ZNRF3: variants seen among roughly 807,000 people sequenced by gnomAD.
The protein encoded by ZNRF3 is zinc and ring finger 3, also known as E3 ubiquitin-protein ligase ZNRF3.
In ZNRF3, 23 loss-of-function variants were observed where a neutral mutation model predicts 72.5. The observed-to-expected ratio is 0.32, with a 90% CI of 0.23 to 0.45. The LOEUF is 0.45. ZNRF3 is among the 20% of genes least tolerant of loss of function. The probability of loss-of-function intolerance (pLI) is 1.00; values close to 1 mark genes in which losing one functional copy is unlikely to be tolerated. For missense variants in ZNRF3, 1,169 were observed against 1,272.1 expected (o/e 0.92, Z 1.23); for synonymous variants, 610 against 545.3 (o/e 1.12, Z -1.65).
At chr22:29,012,535 G>A (rs1228424783) in intron 2 of ZNRF3, among the ~76,000 whole-genome samples, 1 of 152,184 alleles carries the variant, frequency 6.6e-6, no homozygotes, top group Non-Finnish European at 1.5e-5. Context: ...TGGGACCAAA[G>A]TATCAAGCTG....
intron 2 of ZNRF3, among the ~76,000 whole-genome samples, chr22:29,005,118 G>A (rs1310195242): frequency 6.6e-6 from 1 of 152,204 alleles, no homozygotes; most frequent in Non-Finnish European, 1.5e-5. Flanking sequence ...TGGTCACTGG[G>A]AAGCTCTTAG....
chr22:28,885,345 A>G (rs888658966), intron 1 of ZNRF3, among the ~76,000 whole-genome samples: 7 of 152,150 alleles, frequency 4.6e-5, no homozygotes, highest in African/African-American at 1.7e-4. Flanking sequence ...CCGGGCTCTT[A>G]TCCCCATCCG....
At position 29,049,906 on chromosome 22, in the gene ZNRF3, C is replaced by A; in HGVS notation, c.1725C>A (p.Ser575Arg). The change falls in exon 8 of 9, where the codon AGC (serine) becomes AGA (arginine). Residue 575 changes from serine (S) to arginine (R), a missense_variant. Physicochemically the swap from Ser to Arg is moderately radical, Grantham distance 110. Around this residue, in one of 2 missense-constraint regions of ZNRF3, gnomAD observed 783 missense variants for 731.4 expected, o/e 1.07. Coordinates refer to ENST00000544604, the MANE Select transcript of ZNRF3 (RefSeq NM_001206998.2). This position sits in a 1 kb window ranked among gnomAD's most constrained non-coding sequence, Gnocchi z 5.2. Reference protein sequence around the residue: ...SDSVVDCTEVSNQGVYGSCST... With the variant: ...SDSVVDCTEVRNQGVYGSCST... ...CTGTGGTAGACTGCACTGAGGTCAG[C>A]AACCAGGGCGTGTACGGGAGCTGCT... The A allele has an allele frequency of 6.2e-7, 1 of 1,603,022 alleles. No homozygotes were observed. Among genetic ancestry groups the A allele is most frequent in the South Asian group, 1.1e-5 (1 of 89,616 alleles).
intron 1 of ZNRF3, among the ~76,000 whole-genome samples, chr22:28,973,020 G>A (rs1276084109): frequency 2.0e-5 from 3 of 152,134 alleles, no homozygotes; most frequent in Non-Finnish European, 4.4e-5. Flanking sequence ...GGGCCTTGCT[G>A]TCTCCAGGCT....
chr22:28,917,383 A>G, intron 1 of ZNRF3: 1 of 984,822 alleles, frequency 1.0e-6, no homozygotes, highest in Non-Finnish European at 1.2e-6. Context: ...GTTGTCAGCC[A>G]TCTGTGCACA....
Position 29,049,969 on chromosome 22 carries a change from C to G in ZNRF3, c.1788C>G (p.Pro596=). The change falls in exon 8 of 9, where the codon CCC becomes CCG. Residue 596 remains proline (P), a synonymous_variant. Transcript: ENST00000544604. This position sits in a 1 kb window ranked among gnomAD's most constrained non-coding sequence, Gnocchi z 5.2. ...GCTCCCTCAGCAGCGACTATGACCC[C>G]TTCATCTACCGCAGCCGGAGCCCCT... The part of the protein sequence containing the change: ...FRSSLSSDYD[P]FIYRSRSPCR... 6.2e-7 allele frequency: 1 copy of G among 1,612,330 alleles called. No homozygotes were observed. The highest frequency in any genetic ancestry group is 8.5e-7 in the Non-Finnish European group (1 of 1,179,776).
intron 1 of ZNRF3, among the ~76,000 whole-genome samples, chr22:28,968,958 C>T (rs2035523724): frequency 6.6e-6 from 1 of 152,142 alleles, no homozygotes; most frequent in Admixed American, 6.5e-5. Flanking sequence ...CTCATAGTGA[C>T]ATGTCAGGAC....
chr22:29,043,178 G>T, intron 3 of ZNRF3, 121 bp from the exon 4 acceptor site: 2 of 1,165,576 alleles, frequency 1.7e-6, no homozygotes, highest in Non-Finnish European at 2.3e-6. Context: ...AGGCTGTAAT[G>T]TTGGAAGAGC....
chr22:29,004,794 C>T (rs1410974091), intron 2 of ZNRF3, among the ~76,000 whole-genome samples: 2 of 152,222 alleles, frequency 1.3e-5, no homozygotes, highest in African/African-American at 4.8e-5. Context: ...CCGCCCGGTT[C>T]CAGTCCCTGC....
chr22:28,959,029 C>T (rs1275828950), intron 1 of ZNRF3, among the ~76,000 whole-genome samples: 2 of 152,222 alleles, frequency 1.3e-5, no homozygotes, highest in African/African-American at 2.4e-5. Context: ...TAACCTTTTG[C>T]ATACTCTCAT....
Position 28,883,781 on chromosome 22 carries a change from G to C in ZNRF3, c.15G>C (p.Ser5=). MRPR[S]GGRPGATGRR... The stretch of plus-strand genomic sequence containing the variant: ...GCCGCAGGACCATGAGGCCGCGCTC[G>C]GGCGGGCGCCCAGGGGCCACGGGCC... The change falls in exon 1 of 9, where the codon TCG becomes TCC. Residue 5 remains serine, a synonymous_variant. Transcript: ENST00000544604. The surrounding 1 kb of genome is among the most constrained non-coding windows in gnomAD (Gnocchi z 5.5). 1 of 978,872 alleles carries C rather than the reference G, an allele frequency of 1.0e-6. No homozygotes were observed. The highest frequency in any genetic ancestry group is 1.8e-5 in the African/African-American group (1 of 56,376). 60.6% of individuals were successfully genotyped at this position (978,872 alleles called of 1,614,324 possible).
intron 2 of ZNRF3, among the ~76,000 whole-genome samples, chr22:29,007,676 C>T (rs1384000616): frequency 1.3e-5 from 2 of 151,700 alleles, no homozygotes; most frequent in African/African-American, 2.4e-5. Context: ...CTGATCGTTC[C>T]CTTTTGTAAT....
intron 2 of ZNRF3, among the ~76,000 whole-genome samples, chr22:28,989,636 G>C (rs1041105980): frequency 2.0e-5 from 3 of 152,152 alleles, no homozygotes; most frequent in Non-Finnish European, 2.9e-5. Context: ...AGCTAGCTTG[G>C]GGGTGGGAGC....
chr22:28,976,423 G>A (rs2035675676), intron 1 of ZNRF3, among the ~76,000 whole-genome samples: 2 of 152,148 alleles, frequency 1.3e-5, no homozygotes, highest in South Asian at 4.1e-4. Flanking sequence ...CTGGGGGACT[G>A]AGTCAGGAGG....
chr22:28,956,014 G>A (rs778659981), intron 1 of ZNRF3, among the ~76,000 whole-genome samples: 7 of 152,186 alleles, frequency 4.6e-5, no homozygotes, highest in Non-Finnish European at 1.0e-4. Flanking sequence ...GGGTGCGGAG[G>A]ATTATCCCCT....
Position 29,050,931 on chromosome 22 carries a change from C to A in ZNRF3, c.2750C>A (p.Thr917Asn). 1 of 1,521,186 alleles carries A rather than the reference C, an allele frequency of 6.6e-7. No individual in the cohort carries two copies. Among genetic ancestry groups the A allele is most frequent in the South Asian group, 1.3e-5 (1 of 78,110 alleles). The allele number at this position is 1,521,186 out of a possible 1,614,324, so 94.2% of individuals were successfully genotyped here. The change falls in exon 8 of 9, where the codon ACT becomes AAT. Residue 917 changes from threonine (T) to asparagine (N), a missense_variant. Physicochemically the swap from Thr to Asn is moderately conservative, Grantham distance 65. This residue lies in a region of ZNRF3 where 783 missense variants were observed against 731.4 expected (regional missense o/e 1.07). Transcript: ENST00000544604. ...CAGGACACTCAGGAGTCCAGCACCA[C>A]TGCCACTGAGGCTGCAGGTGAGAGC... The part of the protein sequence containing the change: ...ALQDTQESST[T>N]ATEAAGPRSH...
At chr22:29,047,188 T>C (rs1238441350) in intron 6 of ZNRF3, among the ~76,000 whole-genome samples, 2 of 152,204 alleles carry the variant, frequency 1.3e-5, no homozygotes, top group Admixed American at 1.3e-4. Context: ...GGCTAGGAAC[T>C]TGAGGCTGCA....
At chr22:28,890,239 G>A (rs1041771940) in intron 1 of ZNRF3, among the ~76,000 whole-genome samples, 2 of 152,152 alleles carry the variant, frequency 1.3e-5, no homozygotes, top group Admixed American at 6.5e-5. Flanking sequence ...GGTGGCTCAC[G>A]CCTGTAATCC....
intron 3 of ZNRF3, 106 bp from the exon 4 acceptor site, chr22:29,043,193 G>C (rs1272759476): frequency 8.6e-6 from 11 of 1,277,206 alleles, no homozygotes; most frequent in Non-Finnish European, 1.2e-5. Flanking sequence ...AAGAGCTGGA[G>C]GATTCCAGAC....
Sources: allele counts gnomAD v4.1 joint callset (sites outside exome capture counted in the v4.1 genomes callset), GRCh38; gene constraint gnomAD v4.1.1; regional missense constraint gnomAD v4.1.1; non-coding constraint Gnocchi (gnomAD v3.1); transcripts MANE v1.5; gene names NCBI Gene and HGNC (gene_info 2026-07-23, HGNC 2026-07-21).